SUCLA2: variants seen among roughly 807,000 people sequenced by gnomAD.
The protein encoded by SUCLA2 is succinate--CoA ligase [ADP-forming] subunit beta, mitochondrial.
Under a neutral mutation model 54.8 loss-of-function variants are expected in SUCLA2, and 30 were observed. The observed-to-expected ratio is 0.55, with a 90% CI of 0.41 to 0.74. The LOEUF (loss-of-function observed/expected upper bound fraction) is 0.74, where lower values mean the gene tolerates loss of function less well. Ranked by LOEUF, SUCLA2 falls within the 30% of genes least tolerant of loss-of-function variation. The probability of loss-of-function intolerance (pLI) is 0.00; values close to 1 mark genes in which losing one functional copy is unlikely to be tolerated. For missense variants in SUCLA2, 476 were observed against 562.9 expected (o/e 0.85, Z 1.56); for synonymous variants, 172 against 188.9 (o/e 0.91, Z 0.74).
chr13:47,971,384 A>G (rs952264750), intron 5 of SUCLA2: 2 of 152,222 alleles, frequency 1.3e-5, no homozygotes, highest in Admixed American at 1.3e-4. Context: ...GCCACTGCAC[A>G]CTCCACCCTG....
At chr13:47,999,678 G>T (rs942309069) in intron 1 of SUCLA2, among the ~76,000 whole-genome samples, 4 of 149,858 alleles carry the variant, frequency 2.7e-5, no homozygotes, top group African/African-American at 9.9e-5. Context: ...CTGCACTCCA[G>T]CCTGGGCGAC....
rs750545887 is a variant in SUCLA2 at position 48,001,220 on chromosome 13, C to A, written c.50G>T (p.Arg17Leu). The change falls in exon 1 of 11, where the codon CGG (arginine) becomes CTG (leucine). Residue 17 changes from arginine (R) to leucine (L), a missense_variant. By Grantham distance (102) the Arg-to-Leu change is moderately radical (BLOSUM62 -2). This residue lies in a region of SUCLA2 where 134 missense variants were observed against 118.7 expected (regional missense o/e 1.13). Transcript: ENST00000646932. ...YGRLVAVATLRNHRPRTAQRA... is the reference protein window; with the variant it reads ...YGRLVAVATLLNHRPRTAQRA... ...CTGGGCCGTCCGAGGCCGGTGGTTC[C>A]GAAGGGTGGCCACGGCCACTAGCCT... 8 of 1,608,724 alleles carry A rather than the reference C, an allele frequency of 5.0e-6. No individual in the cohort carries two copies. In the South Asian group the frequency reaches 8.9e-5, roughly 18 times the overall value.
chr13:47,949,389 G>A, intron 9 of SUCLA2, 94 bp downstream of exon 9: 7 of 1,394,392 alleles, frequency 5.0e-6, no homozygotes, highest in Non-Finnish European at 7.1e-6. Context: ...CAAAGACACA[G>A]CTATTTAAAA....
At chr13:47,946,112 T>C (rs1055759318) in intron 10 of SUCLA2, among the ~76,000 whole-genome samples, 1 of 152,238 alleles carries the variant, frequency 6.6e-6, no homozygotes, top group East Asian at 1.9e-4. Flanking sequence ...ACCACAAAGG[T>C]GAGTATAGAA....
intron 6 of SUCLA2, among the ~76,000 whole-genome samples, chr13:47,959,406 A>G (rs1949848022): frequency 6.8e-6 from 1 of 147,512 alleles, no homozygotes. Flanking sequence ...ATAAGAAAGA[A>G]GAAGGGAGAG....
chr13:47,965,643 G>A (rs1949912193), intron 6 of SUCLA2: 1 of 398,372 alleles, frequency 2.5e-6, no homozygotes, highest in Middle Eastern at 6.3e-4. Flanking sequence ...TGGTGGTCCT[G>A]GGGAAAAATA....
intron 2 of SUCLA2, among the ~76,000 whole-genome samples, chr13:47,995,619 T>C (rs1566093526): frequency 6.6e-6 from 1 of 152,188 alleles, no homozygotes; most frequent in Non-Finnish European, 1.5e-5. Context: ...TTGAAAATGC[T>C]CATCTTTCTT....
chr13:47,948,601 A>G (rs1033116532), intron 10 of SUCLA2, among the ~76,000 whole-genome samples: 2 of 152,018 alleles, frequency 1.3e-5, no homozygotes, highest in African/African-American at 2.4e-5. Flanking sequence ...ATCCTCCCTT[A>G]CCCATAATGT....
intron 6 of SUCLA2, among the ~76,000 whole-genome samples, chr13:47,962,799 TAG>T (rs1949881379): frequency 6.6e-6 from 1 of 152,132 alleles, no homozygotes; most frequent in Non-Finnish European, 1.5e-5. Context: ...AACAGTCCCA[TAG>T]ACTGTTCTTT....
chr13:47,974,978 T>C (rs1287330755), intron 4 of SUCLA2, among the ~76,000 whole-genome samples: 1 of 152,114 alleles, frequency 6.6e-6, no homozygotes, highest in Non-Finnish European at 1.5e-5. Context: ...AAGTGCTCCA[T>C]ATTGACAGAA....
At position 47,970,775 on chromosome 13, in the gene SUCLA2, G is replaced by A. The variant is rs575656011; in HGVS notation, c.664-2042C>T. Among the ~76,000 whole-genome samples the A allele has an allele frequency of 4.6e-5, 7 of 152,190 alleles. No individual in the cohort carries two copies. The East Asian group carries it at 1.2e-3, about 25-fold the overall frequency. ...CCTGGGAAGCTGAGGCAGGGGAATC[G>A]CTTGAACCCGGGAGGCAGAGGTTTC... On this transcript the variant is annotated intron_variant, in intron 5 of 10. Coordinates refer to ENST00000646932, the MANE Select transcript of SUCLA2 (RefSeq NM_003850.3).
intron 6 of SUCLA2, among the ~76,000 whole-genome samples, chr13:47,964,035 T>C (rs962475067): frequency 3.3e-5 from 5 of 152,182 alleles, no homozygotes; most frequent in African/African-American, 1.2e-4. Context: ...TAGCAGCTTG[T>C]TGGTAATAGA....
At chr13:47,963,999 A>G (rs1213081544) in intron 6 of SUCLA2, among the ~76,000 whole-genome samples, 1 of 152,252 alleles carries the variant, frequency 6.6e-6, no homozygotes, top group Non-Finnish European at 1.5e-5. Context: ...GAGGACTTAC[A>G]GTCACACAAA....
At chr13:47,946,580 GTTTT>G (rs750584966) in intron 10 of SUCLA2, among the ~76,000 whole-genome samples, 1 of 137,854 alleles carries the variant, frequency 7.3e-6, no homozygotes, top group Non-Finnish European at 1.6e-5. Context: ...AAAAGGTTGT[GTTTT>G]TTTTTTTTTA....
chr13:47,959,370 G>A (rs1481945326), intron 6 of SUCLA2, among the ~76,000 whole-genome samples: 2 of 37,426 alleles, frequency 5.3e-5, no homozygotes, highest in Non-Finnish European at 1.1e-4. Context: ...TTGCTGTCCT[G>A]GAGTAAAATG....
chr13:47,986,665 T>A (rs1158679818), intron 4 of SUCLA2, among the ~76,000 whole-genome samples: 1 of 152,150 alleles, frequency 6.6e-6, no homozygotes, highest in African/African-American at 2.4e-5. Flanking sequence ...CCTTCTAGAG[T>A]TTTTATAGTT....
chr13:47,993,758 C>A (rs886331735), intron 2 of SUCLA2, among the ~76,000 whole-genome samples: 1 of 152,146 alleles, frequency 6.6e-6, no homozygotes. Context: ...GAAGGCCAGG[C>A]CTGGTGGCTC....
chr13:47,993,454 G>C (rs560299744), intron 2 of SUCLA2, among the ~76,000 whole-genome samples: 56 of 152,196 alleles, frequency 3.7e-4, no homozygotes, highest in Middle Eastern at 3.4e-3. Flanking sequence ...TAAAATATTA[G>C]AATTAGATTT....
chr13:47,988,438 T>C (rs1950122083), intron 4 of SUCLA2, 103 bp downstream of exon 4: 1 of 1,339,234 alleles, frequency 7.5e-7, no homozygotes, highest in African/African-American at 1.4e-5. Context: ...AGATTATAAT[T>C]TGTACTTTTA....
Sources: gnomAD v4.1 joint callset for allele counts (sites outside exome capture counted in the v4.1 genomes callset) on GRCh38, gnomAD v4.1.1 for gene constraint, gnomAD v4.1.1 regional missense constraint, MANE v1.5 for transcripts, NCBI Gene and HGNC (gene_info 2026-07-23, HGNC 2026-07-21) for gene names.